MSH3: variants seen among roughly 807,000 people sequenced by gnomAD.
The protein encoded by MSH3 is DNA mismatch repair protein Msh3.
A neutral mutation model predicts 123.3 loss-of-function variants in MSH3; 106 were observed. The observed-to-expected ratio is 0.86, with a 90% CI of 0.73 to 1.01. MSH3 has a LOEUF of 1.01. Among genes scored for constraint, MSH3 ranks in the 50% least tolerant of loss-of-function variants. The pLI is 0.00. For missense variants in MSH3, 1,459 were observed against 1,347.6 expected, an observed-to-expected ratio of 1.08 and a Z score of -1.29; for synonymous variants, 515 against 481.4, an observed-to-expected ratio of 1.07 and a Z score of -0.91.
rs6875211 is a variant in MSH3, at chr5:80,873,364, A to T, written c.3302+77A>T. 6.6e-4 allele frequency: 944 copies of T among 1,437,430 alleles called. 7 individuals carry two copies. The African/African-American group carries it at 0.012, about 18-fold the overall frequency. The allele number at this position is 1,437,430 out of a possible 1,614,324, so 89.0% of individuals were successfully genotyped here. ...GTCCAAGAAAGAGAGGAGCGTCCTA[A>T]AAATGAACATCAGGTCTACTTTTAA... On this transcript the variant is annotated intron_variant, in intron 23 of 23. Transcript: ENST00000265081.
chr5:80,694,471 A>T (rs1750424724), intron 8 of MSH3, among the ~76,000 whole-genome samples: 1 of 152,132 alleles, frequency 6.6e-6, no homozygotes. Flanking sequence ...TAAATATTAT[A>T]ATTGTCTTAA....
At chr5:80,672,092 T>G in intron 4 of MSH3, 152 bp from the exon 5 acceptor site, 2 of 665,820 alleles carry the variant, frequency 3.0e-6, no homozygotes, top group Non-Finnish European at 5.1e-6. Context: ...CAGGGAACAT[T>G]TTTTTAAACT....
intron 20 of MSH3, among the ~76,000 whole-genome samples, chr5:80,838,493 G>A (rs930824427): frequency 6.6e-6 from 1 of 152,118 alleles, no homozygotes; most frequent in Non-Finnish European, 1.5e-5. Flanking sequence ...CAGGAAAATT[G>A]CTCACATATG....
chr5:80,838,775 G>A (rs1745562899), intron 20 of MSH3, among the ~76,000 whole-genome samples: 1 of 152,100 alleles, frequency 6.6e-6, no homozygotes, highest in African/African-American at 2.4e-5. Context: ...ACAGTACTTA[G>A]TGGCTAAGCC....
intron 8 of MSH3, among the ~76,000 whole-genome samples, chr5:80,719,399 G>A (rs1751032562): frequency 6.6e-6 from 1 of 152,090 alleles, no homozygotes; most frequent in East Asian, 1.9e-4. Flanking sequence ...CTATTTATTG[G>A]ATAGGTCAAA....
intron 19 of MSH3, among the ~76,000 whole-genome samples, chr5:80,799,530 T>TA (rs1158743933): frequency 1.7e-5 from 2 of 120,696 alleles, no homozygotes; most frequent in Admixed American, 9.4e-5. Context: ...TTTTTTTTTT[T>TA]TTACAGAAAA....
intron 15 of MSH3, among the ~76,000 whole-genome samples, chr5:80,773,296 G>A (rs1211101151): frequency 6.6e-6 from 1 of 152,142 alleles, no homozygotes; most frequent in Non-Finnish European, 1.5e-5. Flanking sequence ...GAATTATTTA[G>A]CACAGTTTAA....
intron 9 of MSH3, 128 bp downstream of exon 9, chr5:80,725,693 G>C: frequency 1.4e-6 from 1 of 720,264 alleles, no homozygotes; most frequent in Non-Finnish European, 2.5e-6. Context: ...AGAGCTCACT[G>C]TTGTTGTGCT....
intron 17 of MSH3, among the ~76,000 whole-genome samples, chr5:80,786,832 T>C (rs991935185): frequency 6.6e-5 from 10 of 152,226 alleles, no homozygotes; most frequent in Non-Finnish European, 1.3e-4. Context: ...GTATGTTTTC[T>C]GAATAAGTTT....
chr5:80,716,464 C>G (rs948599921), intron 8 of MSH3, among the ~76,000 whole-genome samples: 6 of 151,584 alleles, frequency 4.0e-5, no homozygotes, highest in African/African-American at 4.8e-5. Context: ...TTGGGTTTTG[C>G]TCTGTTGCCA....
chr5:80,723,889 A>G lies in MSH3; in HGVS notation c.1341-1564A>G, dbSNP rs574973166. On this transcript the variant is annotated intron_variant, in intron 8 of 23. Coordinates refer to ENST00000265081, the MANE Select transcript of MSH3 (RefSeq NM_002439.5). The stretch of plus-strand genomic sequence containing the variant: ...GTGATCCTCCCACCTCAGCCTTCCA[A>G]GTAGCTGGGACTACAGGCATGTGCT... 6.6e-5 allele frequency among the ~76,000 whole-genome samples: 10 copies of G among 152,152 alleles called. 1 individual carries two copies. In the East Asian group the frequency reaches 1.9e-3, roughly 29 times the overall value.
chr5:80,699,665 G>C (rs1285395201), intron 8 of MSH3, among the ~76,000 whole-genome samples: 2 of 150,800 alleles, frequency 1.3e-5, no homozygotes, highest in Non-Finnish European at 2.9e-5. Flanking sequence ...ACATTATACA[G>C]ATGTAGCCAA....
At chr5:80,850,483 G>A (rs1294367120) in intron 20 of MSH3, among the ~76,000 whole-genome samples, 1 of 152,196 alleles carries the variant, frequency 6.6e-6, no homozygotes, top group South Asian at 2.1e-4. Flanking sequence ...CCACATGGCT[G>A]GGGAGGCCTC....
intron 20 of MSH3, among the ~76,000 whole-genome samples, chr5:80,848,735 T>C (rs943779994): frequency 6.6e-6 from 1 of 152,008 alleles, no homozygotes. Flanking sequence ...TCCCACTGGG[T>C]CCCTCCCACA....
chr5:80,672,603 A>G (rs1197654035), intron 5 of MSH3, 138 bp from the exon 6 acceptor site: 1 of 786,346 alleles, frequency 1.3e-6, no homozygotes, highest in Non-Finnish European at 2.2e-6. Flanking sequence ...ACCCTTGTCA[A>G]CTCCTTTAAA....
chr5:80,696,590 C>T (rs188342814), intron 8 of MSH3, among the ~76,000 whole-genome samples: 20 of 152,264 alleles, frequency 1.3e-4, no homozygotes, highest in Non-Finnish European at 5.9e-5. Flanking sequence ...TTCCTCACAT[C>T]CCAAGTTCAC....
intron 17 of MSH3, among the ~76,000 whole-genome samples, chr5:80,785,051 G>A (rs1457179472): frequency 1.3e-5 from 2 of 152,062 alleles, no homozygotes; most frequent in Non-Finnish European, 2.9e-5. Flanking sequence ...TGATTATATA[G>A]GAATAGTCCA....
chr5:80,692,885 G>A (rs1211174488), intron 8 of MSH3, among the ~76,000 whole-genome samples: 2 of 85,276 alleles, frequency 2.3e-5, no homozygotes, highest in African/African-American at 4.5e-5. Context: ...AAATATACAT[G>A]CACATGTATA....
intron 12 of MSH3, among the ~76,000 whole-genome samples, chr5:80,759,430 C>G (rs1743993175): frequency 6.6e-6 from 1 of 152,120 alleles, no homozygotes. Flanking sequence ...GCAAAGTAAG[C>G]AGCAAATGAG....
Sources: gnomAD v4.1 joint callset for allele counts (sites outside exome capture counted in the v4.1 genomes callset) on GRCh38, gnomAD v4.1.1 for gene constraint, MANE v1.5 for transcripts, NCBI Gene and HGNC (gene_info 2026-07-23, HGNC 2026-07-21) for gene names.